The following WDFY3 variants were observed in gnomAD, a reference collection of about 807,000 sequenced individuals.
WDFY3 encodes WD repeat and FYVE domain-containing protein 3.
WDFY3 carries 66 observed loss-of-function variants against 409.6 expected under a neutral mutation model. That is an observed-to-expected ratio of 0.16 (90% CI 0.13 to 0.20). WDFY3 has a LOEUF of 0.20. Among genes scored for constraint, WDFY3 ranks in the 10% least tolerant of loss-of-function variants. WDFY3 has a pLI of 1.00. For missense variants in WDFY3, 3,031 were observed against 4,298.1 expected (o/e 0.71, Z 8.24); for synonymous variants, 1,521 against 1,537.1 (o/e 0.99, Z 0.25).
intron 5 of WDFY3, 163 bp downstream of exon 5, chr4:84,849,739 G>A: frequency 1.0e-6 from 1 of 987,982 alleles, no homozygotes; most frequent in Admixed American, 3.2e-5. Context: ...TGAAGATGCT[G>A]AAACCAGGAA....
At chr4:84,935,351 T>C (rs1237392552) in intron 1 of WDFY3, among the ~76,000 whole-genome samples, 2 of 152,202 alleles carry the variant, frequency 1.3e-5, no homozygotes, top group Non-Finnish European at 2.9e-5. Context: ...GTAGCAGAAC[T>C]ACCACATCTA....
At chr4:84,784,209 T>A (rs1052355305) in intron 24 of WDFY3, among the ~76,000 whole-genome samples, 1 of 152,188 alleles carries the variant, frequency 6.6e-6, no homozygotes, top group Non-Finnish European at 1.5e-5. Flanking sequence ...GTCCCAGGTT[T>A]CAGTCTTTAA....
intron 1 of WDFY3, among the ~76,000 whole-genome samples, chr4:84,955,837 T>C (rs1402591313): frequency 2.0e-5 from 3 of 152,200 alleles, no homozygotes; most frequent in South Asian, 4.1e-4. Flanking sequence ...GGAAATTCTA[T>C]TTAAAGTGTT....
intron 10 of WDFY3, among the ~76,000 whole-genome samples, chr4:84,823,638 T>C (rs935297956): frequency 6.6e-6 from 1 of 152,018 alleles, no homozygotes; most frequent in Non-Finnish European, 1.5e-5. Flanking sequence ...TGAACCAAGG[T>C]AGAGAAACAG....
intron 3 of WDFY3, among the ~76,000 whole-genome samples, chr4:84,891,538 A>G (rs899254660): frequency 1.3e-5 from 2 of 152,230 alleles, no homozygotes; most frequent in African/African-American, 4.8e-5. Flanking sequence ...AACTAGGAGC[A>G]TAAACCACCT....
At chr4:84,796,383 C>T in intron 19 of WDFY3, 138 bp downstream of exon 19, 1 of 511,458 alleles carries the variant, frequency 2.0e-6, no homozygotes, top group Non-Finnish European at 3.1e-6. Flanking sequence ...ATAGCATGCT[C>T]AAAAAACTCA....
At position 84,810,265 on chromosome 4, in the gene WDFY3, G is replaced by A; in HGVS notation, c.1967C>T (p.Ser656Phe). ...AGATCTTTCCATAGCAACGAGCAAG[G>A]ATGTAATGTACACAAATCCTCCAAC... ...RKVGGFVYIT[S>F]LLVAMERSLS... Residue 656 changes from serine to phenylalanine, a missense_variant, in exon 14 of 68, where the codon TCC becomes TTC. Physicochemically the swap from Ser to Phe is radical, Grantham distance 155 (BLOSUM62 -2). Coordinates refer to ENST00000295888, the MANE Select transcript of WDFY3 (RefSeq NM_014991.6). 1 of 1,613,728 alleles carries A rather than the reference G, an allele frequency of 6.2e-7. No individual in the cohort carries two copies. The highest frequency in any genetic ancestry group is 2.2e-5 in the East Asian group (1 of 44,850).
In WDFY3 at chr4:84,891,000, A is replaced by AT. The variant is rs1475539439; in HGVS notation, c.-32+5910dup. On this transcript the variant is annotated intron_variant, in intron 3 of 67. Coordinates refer to ENST00000295888, the MANE Select transcript of WDFY3 (RefSeq NM_014991.6). ...GCCACAAAACATTATTTTTCTTTTG[A>AT]TTTTTTCAAATATTTAAAAATATAA... Among the ~76,000 whole-genome samples, 21 of 152,122 alleles carry AT rather than the reference A, an allele frequency of 1.4e-4. No individual in the cohort carries two copies. In the South Asian group the frequency reaches 4.4e-3, roughly 32 times the overall value.
Position 84,772,864 on chromosome 4 carries a change from T to C in WDFY3, c.4820A>G (p.Glu1607Gly). The C allele has an allele frequency of 6.2e-7, 1 of 1,611,900 alleles. No homozygotes were observed. Among genetic ancestry groups the C allele is most frequent in the Non-Finnish European group, 8.5e-7 (1 of 1,179,146 alleles). Residue 1607 changes from glutamate (E) to glycine (G), a missense_variant, in exon 30 of 68, where the codon GAA becomes GGA. This residue lies in a region of WDFY3 where 342 missense variants were observed against 463.7 expected (regional missense o/e 0.74). Transcript: ENST00000295888. ...FAVCEKFVVMEINNEEKLDTG... is the reference protein window; with the variant it reads ...FAVCEKFVVMGINNEEKLDTG... ...GTCAAGCTTCTCTTCATTATTTATT[T>C]CCATTACTACAAATTTCTCACAAAC...
intron 3 of WDFY3, among the ~76,000 whole-genome samples, chr4:84,873,885 T>G (rs369332871): frequency 2.0e-5 from 3 of 151,788 alleles, no homozygotes; most frequent in East Asian, 3.9e-4. Flanking sequence ...TGTACTTAGG[T>G]AATTCTCCTG....
chr4:84,819,980 GT>G, intron 12 of WDFY3, 104 bp downstream of exon 12: 1 of 1,059,530 alleles, frequency 9.4e-7, no homozygotes, highest in Non-Finnish European at 1.3e-6. Context: ...TGAATCAATA[GT>G]TTTTTCTCTA....
chr4:84,713,361 A>C (rs891190011), intron 50 of WDFY3, 122 bp from the exon 51 acceptor site: 8 of 780,854 alleles, frequency 1.0e-5, no homozygotes, highest in Admixed American at 9.1e-5. Flanking sequence ...ATAACCCACT[A>C]AATGGCAGGC....
chr4:84,723,280 G>A (rs774862765), intron 46 of WDFY3, among the ~76,000 whole-genome samples: 19 of 152,196 alleles, frequency 1.2e-4, no homozygotes, highest in Non-Finnish European at 2.4e-4. Flanking sequence ...GTCATCACAT[G>A]AGAGAACAGG....
At chr4:84,913,122 T>C (rs191357650) in intron 2 of WDFY3, among the ~76,000 whole-genome samples, 57 of 152,138 alleles carry the variant, frequency 3.7e-4, no homozygotes, top group Non-Finnish European at 1.6e-4. Context: ...CACCTATGCA[T>C]TGAAGGGTCT....
At chr4:84,758,082 C>T (rs977824116) in intron 32 of WDFY3, among the ~76,000 whole-genome samples, 12 of 152,152 alleles carry the variant, frequency 7.9e-5, no homozygotes, top group Non-Finnish European at 1.5e-4. Context: ...TATAATGAAA[C>T]TCAGGATACA....
At position 84,944,765 on chromosome 4, in the gene WDFY3, C is replaced by A. The variant is rs569080407; in HGVS notation, c.-225-12402G>T. On this transcript the variant is annotated intron_variant, in intron 1 of 67. Coordinates refer to ENST00000295888, the MANE Select transcript of WDFY3 (RefSeq NM_014991.6). ...CGAGATCACGCCACTGCACTCCAGCCTGGGCAACAGAGTGAGACTTCCTCT... is the reference window on the plus strand; with the variant it reads ...CGAGATCACGCCACTGCACTCCAGCATGGGCAACAGAGTGAGACTTCCTCT... Among the ~76,000 whole-genome samples, 8 of 152,156 alleles carry A rather than the reference C, an allele frequency of 5.3e-5. No homozygotes were observed. In the South Asian group the frequency reaches 1.7e-3, roughly 32 times the overall value.
intron 1 of WDFY3, among the ~76,000 whole-genome samples, chr4:84,956,599 T>TTATA (rs928419927): frequency 6.6e-6 from 1 of 152,138 alleles, no homozygotes; most frequent in African/African-American, 2.4e-5. Context: ...CCTCACTCAT[T>TTATA]TATAGTCCTC....
At chr4:84,927,990 T>C (rs1326818042) in intron 2 of WDFY3, among the ~76,000 whole-genome samples, 3 of 152,190 alleles carry the variant, frequency 2.0e-5, no homozygotes, top group Non-Finnish European at 2.9e-5. Flanking sequence ...TTTAGAATGA[T>C]TGGGGTGTCC....
At position 84,821,081 on chromosome 4, in the gene WDFY3, T is replaced by G; in HGVS notation, c.1591+3A>C. 1 of 1,598,324 alleles carries G rather than the reference T, an allele frequency of 6.3e-7. No homozygotes were observed. Among genetic ancestry groups the G allele is most frequent in the Non-Finnish European group, 8.5e-7 (1 of 1,173,654 alleles). ...AAAAATAAAATTACAGACAATACTT[T>G]ACCTTGTTCATTTAGTGCCTGAGTT... is the stretch of plus-strand genomic sequence containing the variant. On this transcript the variant is annotated splice_donor_region_variant and intron_variant, in intron 11 of 67. Coordinates refer to ENST00000295888, the MANE Select transcript of WDFY3 (RefSeq NM_014991.6).
Sources: gnomAD v4.1 joint callset for allele counts (sites outside exome capture counted in the v4.1 genomes callset) on GRCh38, gnomAD v4.1.1 for gene constraint, gnomAD v4.1.1 regional missense constraint, MANE v1.5 for transcripts, NCBI Gene and HGNC (gene_info 2026-07-23, HGNC 2026-07-21) for gene names.